KAZN: variants seen among roughly 807,000 people sequenced by gnomAD.
KAZN encodes the protein kazrin, periplakin interacting protein.
A neutral mutation model predicts 87.4 loss-of-function variants in KAZN; 40 were observed. The observed-to-expected ratio is 0.46, with a 90% CI of 0.36 to 0.60. KAZN has a LOEUF of 0.60. Among genes scored for constraint, KAZN ranks in the 20% least tolerant of loss-of-function variants. The pLI, the probability that KAZN is intolerant of heterozygous loss-of-function variation, is 0.00. For synonymous variants in KAZN, 466 were observed against 458.3 expected (o/e 1.02, Z -0.22); for missense variants, 898 against 1,073.9 (o/e 0.84, Z 2.29).
intron 1 of KAZN, among the ~76,000 whole-genome samples, chr1:14,009,204 T>C (rs1381251596): frequency 6.6e-6 from 1 of 152,226 alleles, no homozygotes; most frequent in African/African-American, 2.4e-5. Flanking sequence ...TACTCATCTG[T>C]TGATAAACAT....
At chr1:13,981,128 T>TG (rs375605048) in intron 1 of KAZN, among the ~76,000 whole-genome samples, 5 of 134,438 alleles carry the variant, frequency 3.7e-5, no homozygotes, top group African/African-American at 1.1e-4. Flanking sequence ...TAAACACAGA[T>TG]TATATATAGT....
intron 1 of KAZN, among the ~76,000 whole-genome samples, chr1:13,894,804 C>T (rs560510371): frequency 6.6e-6 from 1 of 152,280 alleles, no homozygotes; most frequent in South Asian, 2.1e-4. Flanking sequence ...TCCATCCAGG[C>T]CTGAGATTCG....
At chr1:15,032,170 G>C (rs571949687) in intron 2 of KAZN, among the ~76,000 whole-genome samples, 100 of 141,652 alleles carry the variant, frequency 7.1e-4, no homozygotes, top group African/African-American at 2.4e-3. Flanking sequence ...TTTTCCCATT[G>C]TGGACATTTC....
At chr1:14,342,142 T>G (rs1657775445) in intron 2 of KAZN, among the ~76,000 whole-genome samples, 1 of 152,212 alleles carries the variant, frequency 6.6e-6, no homozygotes, top group Non-Finnish European at 1.5e-5. Flanking sequence ...TCCATCCATG[T>G]CCCTGCAAAG....
intron 2 of KAZN, among the ~76,000 whole-genome samples, chr1:14,961,451 GC>G (rs1278393922): frequency 5.9e-5 from 9 of 151,960 alleles, no homozygotes; most frequent in Admixed American, 5.9e-4. Context: ...TGAGGAAACC[GC>G]TGTCCACATG....
chr1:14,090,842 G>C (rs376094388), intron 1 of KAZN, among the ~76,000 whole-genome samples: 1 of 152,096 alleles, frequency 6.6e-6, no homozygotes. Flanking sequence ...AGCCGGGTGC[G>C]GTGGCTCAGG....
intron 1 of KAZN, among the ~76,000 whole-genome samples, chr1:14,762,701 G>T (rs555862107): frequency 6.6e-6 from 1 of 151,766 alleles, no homozygotes; most frequent in African/African-American, 2.4e-5. Flanking sequence ...CTCTAGCCTG[G>T]GTGACAGAGC....
chr1:14,466,602 T>C (rs1668144204), intron 2 of KAZN, among the ~76,000 whole-genome samples: 1 of 150,994 alleles, frequency 6.6e-6, no homozygotes, highest in Non-Finnish European at 1.5e-5. Flanking sequence ...TTGCATACGA[T>C]TACCTATGCA....
chr1:14,922,641 A>T (rs980632941), intron 1 of KAZN, among the ~76,000 whole-genome samples: 29 of 151,882 alleles, frequency 1.9e-4, no homozygotes, highest in Non-Finnish European at 3.2e-4. Flanking sequence ...AAAATACAAA[A>T]ATTAGCCGGG....
At chr1:13,930,616 G>A (rs75965310) in intron 1 of KAZN, among the ~76,000 whole-genome samples, 5,203 of 152,212 alleles carry the variant, frequency 0.034, 371 homozygotes, top group East Asian at 0.32. Flanking sequence ...ATAAATCCCA[G>A]TCTTATGGGG....
intron 1 of KAZN, among the ~76,000 whole-genome samples, chr1:14,671,203 G>C (rs866690555): frequency 3.3e-5 from 5 of 152,178 alleles, no homozygotes; most frequent in African/African-American, 1.2e-4. Flanking sequence ...TCTCCACAGC[G>C]CATGCTGCTA....
At chr1:14,528,143 G>A (rs780163470) in intron 2 of KAZN, among the ~76,000 whole-genome samples, 8 of 151,708 alleles carry the variant, frequency 5.3e-5, no homozygotes, top group Non-Finnish European at 1.0e-4. Flanking sequence ...ACTCATGTCA[G>A]CCTGGCCAAC....
At chr1:14,209,705 A>G (rs530892116) in intron 2 of KAZN, among the ~76,000 whole-genome samples, 1 of 152,324 alleles carries the variant, frequency 6.6e-6, no homozygotes, top group South Asian at 2.1e-4. Flanking sequence ...TCAGGATAAC[A>G]GTTCATGTAT....
chr1:14,074,265 G>A lies in KAZN; in HGVS notation c.92-106170G>A, dbSNP rs149970294. On this transcript the variant is annotated intron_variant, in intron 1 of 16. Transcript: ENST00000636203. ...GTGCTCATGGCTACTGGGGAAAGCC[G>A]TCTTTGGCTCCCAGCCCCCAGCCCC... Among the ~76,000 whole-genome samples, 514 of 152,234 alleles carry A rather than the reference G, an allele frequency of 3.4e-3. 1 individual carries two copies. Among genetic ancestry groups the A allele is most frequent in the African/African-American group, 0.012 (497 of 41,544 alleles).
At chr1:13,903,193 G>A (rs1472455472) in intron 1 of KAZN, among the ~76,000 whole-genome samples, 1 of 152,164 alleles carries the variant, frequency 6.6e-6, no homozygotes, top group Non-Finnish European at 1.5e-5. Flanking sequence ...CATCTCTCTG[G>A]GCGATGATGT....
At chr1:14,206,069 C>T (rs1048141255) in intron 2 of KAZN, among the ~76,000 whole-genome samples, 1 of 151,924 alleles carries the variant, frequency 6.6e-6, no homozygotes. Context: ...AACATTACTG[C>T]ATGGGCAATG....
At chr1:14,925,962 T>G (rs902758950) in intron 1 of KAZN, among the ~76,000 whole-genome samples, 1 of 152,160 alleles carries the variant, frequency 6.6e-6, no homozygotes, top group African/African-American at 2.4e-5. Flanking sequence ...TGAGACTCAA[T>G]TTACCCATCT....
At chr1:14,631,553 C>G (rs1472640635) in intron 1 of KAZN, among the ~76,000 whole-genome samples, 34 of 152,352 alleles carry the variant, frequency 2.2e-4, no homozygotes, top group East Asian at 1.2e-3. Context: ...CTACCTCTCA[C>G]CCCAGGGCCT....
chr1:14,596,804 T>C (rs1177401054), upstream of KAZN, among the ~76,000 whole-genome samples: 1 of 152,232 alleles, frequency 6.6e-6, no homozygotes, highest in Non-Finnish European at 1.5e-5. Flanking sequence ...TGAGTAATAT[T>C]CCATTGCATA....
Sources: allele counts gnomAD v4.1 joint callset (sites outside exome capture counted in the v4.1 genomes callset), GRCh38; gene constraint gnomAD v4.1.1; transcripts MANE v1.5; gene names NCBI Gene and HGNC (gene_info 2026-07-23, HGNC 2026-07-21).